CNTNAP2: variants seen among roughly 807,000 people sequenced by gnomAD.
The protein encoded by CNTNAP2 is contactin-associated protein-like 2.
Under a neutral mutation model 155.2 loss-of-function variants are expected in CNTNAP2, and 98 were observed. That is an observed-to-expected ratio of 0.63 (90% CI 0.54 to 0.75). The LOEUF (loss-of-function observed/expected upper bound fraction) is 0.75. CNTNAP2 is among the 30% of genes least tolerant of loss of function. The pLI is 0.00. For synonymous variants in CNTNAP2, 651 were observed against 631.2 expected (o/e 1.03, Z -0.47); for missense variants, 1,727 against 1,688.1 (o/e 1.02, Z -0.40).
At chr7:146,163,563 C>CTATA (rs1327587717) in intron 1 of CNTNAP2, among the ~76,000 whole-genome samples, 3 of 127,574 alleles carry the variant, frequency 2.4e-5, no homozygotes, top group African/African-American at 1.0e-4. Context: ...ATATCTATAT[C>CTATA]TATCTATATC....
chr7:146,903,432 A>T (rs1485210952), intron 3 of CNTNAP2, among the ~76,000 whole-genome samples: 1 of 152,242 alleles, frequency 6.6e-6, no homozygotes, highest in Non-Finnish European at 1.5e-5. Flanking sequence ...TTAATATGTT[A>T]AAAACCAAAT....
At chr7:146,294,800 T>G (rs1369076328) in intron 1 of CNTNAP2, among the ~76,000 whole-genome samples, 3 of 152,172 alleles carry the variant, frequency 2.0e-5, no homozygotes, top group Non-Finnish European at 4.4e-5. Flanking sequence ...TCCAGAATGT[T>G]GTCAGTCATA....
At chr7:147,593,149 A>C (rs1296379772) in intron 12 of CNTNAP2, among the ~76,000 whole-genome samples, 1 of 152,082 alleles carries the variant, frequency 6.6e-6, no homozygotes, top group Non-Finnish European at 1.5e-5. Flanking sequence ...AAAAAGGAAC[A>C]GACATTATAA....
intron 11 of CNTNAP2, among the ~76,000 whole-genome samples, chr7:147,529,913 C>A (rs186199870): frequency 4.1e-4 from 63 of 152,184 alleles, no homozygotes; most frequent in Non-Finnish European, 7.9e-4. Context: ...TGATAAGGTC[C>A]CAATCTAATA....
At chr7:146,648,153 G>A (rs1269512147) in intron 1 of CNTNAP2, among the ~76,000 whole-genome samples, 1 of 152,138 alleles carries the variant, frequency 6.6e-6, no homozygotes, top group South Asian at 2.1e-4. Context: ...TGGGTACACA[G>A]ACCACTTCAG....
chr7:146,884,088 T>G (rs1197539342), intron 3 of CNTNAP2, among the ~76,000 whole-genome samples: 2 of 152,116 alleles, frequency 1.3e-5, no homozygotes, highest in East Asian at 3.9e-4. Context: ...TAATTGTCCC[T>G]GGGTATATGC....
intron 21 of CNTNAP2, among the ~76,000 whole-genome samples, chr7:148,361,948 G>A (rs549469140): frequency 3.1e-4 from 47 of 152,168 alleles, no homozygotes; most frequent in African/African-American, 9.6e-4. Context: ...ATCCCAGCAC[G>A]CCTGTAATCC....
chr7:146,641,635 G>T (rs1043600579), intron 1 of CNTNAP2, among the ~76,000 whole-genome samples: 1 of 152,126 alleles, frequency 6.6e-6, no homozygotes, highest in African/African-American at 2.4e-5. Context: ...GCAGGTGCTG[G>T]TGTGACAGTG....
chr7:147,297,475 T>A (rs7779892), intron 8 of CNTNAP2, among the ~76,000 whole-genome samples: 2 of 152,050 alleles, frequency 1.3e-5, no homozygotes, highest in African/African-American at 4.8e-5. Flanking sequence ...AGAAGGAATG[T>A]TGGGAGAGAG....
In CNTNAP2 at chr7:147,026,259, T is replaced by C. The variant is rs61612314; in HGVS notation, c.403-17648T>C. Among the ~76,000 whole-genome samples, 968 of 152,336 alleles carry C rather than the reference T, an allele frequency of 6.4e-3. 14 individuals carry two copies. The highest frequency in any genetic ancestry group is 0.022 in the African/African-American group (900 of 41,572). ...TGAGATACGTATGAAAGCATTATAA[T>C]GCACAGGTGTTTGTGTGAAACATAG... is the stretch of plus-strand genomic sequence containing the variant. On this transcript the variant is annotated intron_variant, in intron 3 of 23. Transcript: ENST00000361727.
intron 1 of CNTNAP2, among the ~76,000 whole-genome samples, chr7:146,329,661 A>G (rs1229244292): frequency 6.6e-6 from 1 of 152,174 alleles, no homozygotes; most frequent in African/African-American, 2.4e-5. Context: ...CTCTCTTGTT[A>G]TGTACCAAAT....
intron 1 of CNTNAP2, among the ~76,000 whole-genome samples, chr7:146,590,249 T>C (rs1228852101): frequency 4.6e-5 from 7 of 152,226 alleles, no homozygotes; most frequent in Admixed American, 3.9e-4. Flanking sequence ...CCCAGCTGAC[T>C]TCTATTTTTC....
At chr7:146,248,325 G>A (rs1230399094) in intron 1 of CNTNAP2, among the ~76,000 whole-genome samples, 1 of 152,116 alleles carries the variant, frequency 6.6e-6, no homozygotes, top group Non-Finnish European at 1.5e-5. Flanking sequence ...GAAGGGGTTG[G>A]GGTACTTGCC....
intron 1 of CNTNAP2, among the ~76,000 whole-genome samples, chr7:146,578,631 G>A (rs949078376): frequency 6.6e-6 from 1 of 152,018 alleles, no homozygotes; most frequent in Non-Finnish European, 1.5e-5. Flanking sequence ...TTTTCTATGT[G>A]CTGTCTTTTA....
At chr7:147,549,662 G>A (rs1039025321) in intron 11 of CNTNAP2, among the ~76,000 whole-genome samples, 3 of 152,168 alleles carry the variant, frequency 2.0e-5, no homozygotes, top group Non-Finnish European at 2.9e-5. Flanking sequence ...TGCCTCCCAT[G>A]GCAAATCCTG....
In CNTNAP2 at chr7:147,479,158, G is replaced by A. The variant is rs548483039; in HGVS notation, c.1671-6777G>A. 3.9e-5 allele frequency among the ~76,000 whole-genome samples: 6 copies of A among 152,246 alleles called. No homozygotes were observed. The South Asian group carries it at 1.0e-3, about 26-fold the overall frequency. On this transcript the variant is annotated intron_variant, in intron 10 of 23. Coordinates refer to ENST00000361727, the MANE Select transcript of CNTNAP2 (RefSeq NM_014141.6). Reference sequence around the variant, plus strand: ...ATGCAGGCCCTTGTCTTCCCTCCACGTAGAAGGGGATTCCTCCTCCTTCCA... The same window carrying A: ...ATGCAGGCCCTTGTCTTCCCTCCACATAGAAGGGGATTCCTCCTCCTTCCA...
chr7:147,040,450 A>ATT (rs1799238038), intron 3 of CNTNAP2, among the ~76,000 whole-genome samples: 1 of 133,290 alleles, frequency 7.5e-6, no homozygotes, highest in Non-Finnish European at 1.6e-5. Flanking sequence ...ATTAAGAGTG[A>ATT]ATTTTTTTTT....
intron 10 of CNTNAP2, among the ~76,000 whole-genome samples, chr7:147,427,409 A>G (rs1443315173): frequency 6.6e-6 from 1 of 152,170 alleles, no homozygotes; most frequent in East Asian, 1.9e-4. Flanking sequence ...TAGAGATAAG[A>G]TAAGGTCATT....
intron 20 of CNTNAP2, among the ~76,000 whole-genome samples, chr7:148,257,364 T>A (rs1041440946): frequency 1.3e-5 from 2 of 152,250 alleles, no homozygotes; most frequent in Admixed American, 1.3e-4. Context: ...GACAAAAGCA[T>A]GGCTGTTGCT....
Sources: allele counts gnomAD v4.1 joint callset (sites outside exome capture counted in the v4.1 genomes callset), GRCh38; gene constraint gnomAD v4.1.1; transcripts MANE v1.5; gene names NCBI Gene and HGNC (gene_info 2026-07-23, HGNC 2026-07-21).